Variants in TTLL5 observed in about 807,000 individuals in gnomAD.
TTLL5 encodes tubulin tyrosine ligase like 5.
Under a neutral mutation model 168.4 loss-of-function variants are expected in TTLL5, and 132 were observed. That is an observed-to-expected ratio of 0.78 (90% CI 0.68 to 0.91). The LOEUF (loss-of-function observed/expected upper bound fraction) is 0.91. Among genes scored for constraint, TTLL5 ranks in the 40% least tolerant of loss-of-function variants. The pLI is 0.00. For missense variants in TTLL5, 1,545 were observed against 1,581.5 expected (o/e 0.98, Z 0.39); for synonymous variants, 546 against 558.6 (o/e 0.98, Z 0.32).
intron 27 of TTLL5, among the ~76,000 whole-genome samples, chr14:75,811,187 GTA>G (rs1491056774): frequency 2.4e-3 from 282 of 119,648 alleles, no homozygotes; most frequent in Non-Finnish European, 3.1e-3. Flanking sequence ...GTGTGTGTGT[GTA>G]TGTGTGTGTG....
At chr14:75,813,669 G>C (rs1031898958) in intron 27 of TTLL5, among the ~76,000 whole-genome samples, 1 of 151,888 alleles carries the variant, frequency 6.6e-6, no homozygotes, top group African/African-American at 2.4e-5. Flanking sequence ...TACTGTAGTG[G>C]ATCTAAAACG....
intron 29 of TTLL5, among the ~76,000 whole-genome samples, chr14:75,882,125 C>A (rs1041577729): frequency 3.3e-5 from 5 of 152,070 alleles, no homozygotes; most frequent in Non-Finnish European, 5.9e-5. Flanking sequence ...TAAACTAGCC[C>A]TCAAGATTAT....
At chr14:75,920,516 G>A (rs1368160387) in intron 31 of TTLL5, among the ~76,000 whole-genome samples, 2 of 152,066 alleles carry the variant, frequency 1.3e-5, no homozygotes, top group Non-Finnish European at 2.9e-5. Flanking sequence ...TTTCTGCTTT[G>A]TGATAGTTTG....
chr14:75,746,807 A>G, intron 17 of TTLL5, among the ~76,000 whole-genome samples: 1 of 152,084 alleles, frequency 6.6e-6, no homozygotes, highest in East Asian at 1.9e-4. Flanking sequence ...CAAGTGATCC[A>G]TCTGCCTTGG....
At chr14:75,667,751 G>GGTT (rs1168571183) in intron 2 of TTLL5, among the ~76,000 whole-genome samples, 1 of 89,084 alleles carries the variant, frequency 1.1e-5, no homozygotes, top group Non-Finnish European at 2.0e-5. Flanking sequence ...ATCTTTTTAT[G>GGTT]TTTTTTTTTT....
Position 75,745,521 on chromosome 14 carries a change from AT to A in TTLL5, c.1428del (p.Asn476LysfsTer30). The A allele has an allele frequency of 6.2e-7, 1 of 1,614,030 alleles. No homozygotes were observed. Among genetic ancestry groups the A allele is most frequent in the East Asian group, 2.2e-5 (1 of 44,862 alleles). The part of the protein sequence containing the change: ...IKVLRRVKEE[N>X]DRRGGFIRIF... ...GTTTTACGAAGGGTGAAGGAGGAGA[AT>A]GATCGGCGAGGTGGATTTATTCGCA... is the stretch of plus-strand genomic sequence containing the variant. On this transcript the variant is annotated frameshift_variant, in exon 17 of 32. Coordinates refer to ENST00000298832, the MANE Select transcript of TTLL5 (RefSeq NM_015072.5). LOFTEE classifies it high-confidence loss of function.
At chr14:75,728,692 C>T (rs1225436713) in intron 12 of TTLL5, among the ~76,000 whole-genome samples, 2 of 151,252 alleles carry the variant, frequency 1.3e-5, no homozygotes, top group Non-Finnish European at 1.5e-5. Flanking sequence ...TCATCATCAT[C>T]GTCATATTAA....
At chr14:75,873,352 GT>G (rs2031204981) in intron 29 of TTLL5, among the ~76,000 whole-genome samples, 2 of 152,188 alleles carry the variant, frequency 1.3e-5, no homozygotes, top group South Asian at 4.1e-4. Flanking sequence ...GGGATTACAG[GT>G]GTGAGCCACC....
intron 28 of TTLL5, among the ~76,000 whole-genome samples, chr14:75,850,795 AC>A (rs201393094): frequency 0.012 from 1,889 of 152,254 alleles, 15 homozygotes; most frequent in South Asian, 0.025. Context: ...GTTTAGGTTG[AC>A]TTTAAATATA....
At chr14:75,667,075 T>G (rs1250011849) in intron 2 of TTLL5, among the ~76,000 whole-genome samples, 1 of 152,212 alleles carries the variant, frequency 6.6e-6, no homozygotes, top group Non-Finnish European at 1.5e-5. Flanking sequence ...GTGCTTTTTT[T>G]TTTTAGCTGA....
chr14:75,817,259 T>A (rs1835109321), intron 27 of TTLL5, among the ~76,000 whole-genome samples: 1 of 151,864 alleles, frequency 6.6e-6, no homozygotes, highest in Admixed American at 6.6e-5. Context: ...ATTACAGGTG[T>A]GAGCCACCAC....
At chr14:75,716,356 A>G (rs920670587) in intron 9 of TTLL5, among the ~76,000 whole-genome samples, 4 of 151,902 alleles carry the variant, frequency 2.6e-5, no homozygotes, top group African/African-American at 9.7e-5. Flanking sequence ...TCCTAGCCTC[A>G]TGTTTGTTTA....
intron 28 of TTLL5, among the ~76,000 whole-genome samples, chr14:75,856,425 A>G (rs1897127252): frequency 6.6e-6 from 1 of 152,162 alleles, no homozygotes; most frequent in Non-Finnish European, 1.5e-5. Context: ...TGAGAAAAAC[A>G]ATATCTGAAA....
chr14:75,693,750 C>T lies in TTLL5; in HGVS notation c.502+3428C>T, dbSNP rs565328692. On this transcript the variant is annotated intron_variant, in intron 6 of 31. Transcript: ENST00000298832. ...ACCAGTATCAGAAAAGCAAAACTTTCCCCAGAATTGGGCTCTATGGCCATC... is the reference window on the plus strand; with the variant it reads ...ACCAGTATCAGAAAAGCAAAACTTTTCCCAGAATTGGGCTCTATGGCCATC... 2.0e-5 allele frequency among the ~76,000 whole-genome samples: 3 copies of T among 152,256 alleles called. No homozygotes were observed. In the East Asian group the frequency reaches 5.8e-4, roughly 29 times the overall value.
intron 6 of TTLL5, 43 bp downstream of exon 6, chr14:75,690,365 C>G: frequency 6.4e-7 from 1 of 1,554,556 alleles, no homozygotes; most frequent in East Asian, 2.3e-5. Context: ...AGCAACTGAA[C>G]CTGGGGAATA....
intron 24 of TTLL5, among the ~76,000 whole-genome samples, chr14:75,780,793 A>T (rs1242466120): frequency 1.3e-5 from 2 of 152,226 alleles, no homozygotes; most frequent in Non-Finnish European, 2.9e-5. Context: ...TTATTGTATT[A>T]CTGGAAGTCC....
At chr14:75,885,345 A>T (rs903993732) in intron 30 of TTLL5, among the ~76,000 whole-genome samples, 1 of 151,774 alleles carries the variant, frequency 6.6e-6, no homozygotes, top group Non-Finnish European at 1.5e-5. Context: ...AAAAAAAATT[A>T]GCCGTGCATG....
chr14:75,746,423 G>A lies in TTLL5; in HGVS notation c.1487+842G>A, dbSNP rs28889350. The stretch of plus-strand genomic sequence containing the variant: ...CCCAGCACCTTTAAAATGTCTTTTC[G>A]TCATTTTCAGGCTTGCGTTTTTCTG... On this transcript the variant is annotated intron_variant, in intron 17 of 31. Coordinates refer to ENST00000298832, the MANE Select transcript of TTLL5 (RefSeq NM_015072.5). 6.7e-3 allele frequency among the ~76,000 whole-genome samples: 1,013 copies of A among 152,148 alleles called. 12 individuals carry two copies. Among genetic ancestry groups the A allele is most frequent in the African/African-American group, 0.023 (974 of 41,498 alleles).
intron 28 of TTLL5, among the ~76,000 whole-genome samples, chr14:75,844,590 T>C (rs1896444504): frequency 6.6e-6 from 1 of 152,182 alleles, no homozygotes; most frequent in Admixed American, 6.5e-5. Flanking sequence ...ATGTGTAAGA[T>C]GGGATAATAC....
Sources: gnomAD v4.1 joint callset for allele counts (sites outside exome capture counted in the v4.1 genomes callset) on GRCh38, gnomAD v4.1.1 for gene constraint, MANE v1.5 for transcripts, NCBI Gene and HGNC (gene_info 2026-07-23, HGNC 2026-07-21) for gene names.